The following STK32B variants were observed in gnomAD, a reference collection of about 807,000 sequenced individuals.
The protein encoded by STK32B is serine/threonine kinase 32B.
A neutral mutation model predicts 52.6 loss-of-function variants in STK32B; 43 were observed. That is an observed-to-expected ratio of 0.82 (90% CI 0.64 to 1.05). The LOEUF is 1.05. Ranked by LOEUF, STK32B falls within the 50% of genes least tolerant of loss-of-function variation. The pLI is 0.00. For synonymous variants in STK32B, 238 were observed against 204.3 expected (o/e 1.17, Z -1.41); for missense variants, 621 against 534.6 (o/e 1.16, Z -1.59).
chr4:5,169,680 G>C (rs1316095926), intron 3 of STK32B, among the ~76,000 whole-genome samples: 1 of 151,986 alleles, frequency 6.6e-6, no homozygotes, highest in Non-Finnish European at 1.5e-5. Context: ...TCTGTGCAGT[G>C]ATCTAAAAAC....
intron 1 of STK32B, among the ~76,000 whole-genome samples, chr4:5,070,736 G>A (rs890411260): frequency 2.6e-5 from 4 of 152,142 alleles, no homozygotes; most frequent in Admixed American, 1.3e-4. Context: ...GAGCAGCATC[G>A]CTCTCTTTCT....
chr4:5,119,645 T>C (rs1714918379), intron 1 of STK32B, among the ~76,000 whole-genome samples: 1 of 152,248 alleles, frequency 6.6e-6, no homozygotes, highest in Admixed American at 6.5e-5. Context: ...TTACGACTGG[T>C]GCAAAACGTT....
At chr4:5,078,278 C>T (rs1350340234) in intron 1 of STK32B, among the ~76,000 whole-genome samples, 1 of 152,062 alleles carries the variant, frequency 6.6e-6, no homozygotes, top group Non-Finnish European at 1.5e-5. Flanking sequence ...CCATATATGT[C>T]CTAGATCAAC....
intron 3 of STK32B, among the ~76,000 whole-genome samples, chr4:5,219,355 G>A (rs762435890): frequency 8.5e-5 from 13 of 152,250 alleles, no homozygotes; most frequent in African/African-American, 2.2e-4. Flanking sequence ...CCCAGCAAAC[G>A]TGGGCCTGAC....
chr4:5,418,237 CA>C (rs1712321049), intron 6 of STK32B, among the ~76,000 whole-genome samples: 2 of 152,146 alleles, frequency 1.3e-5, no homozygotes, highest in South Asian at 4.1e-4. Flanking sequence ...GTTTTTATTG[CA>C]ATGATGTTAT....
intron 9 of STK32B, among the ~76,000 whole-genome samples, chr4:5,462,288 CTGTGTG>C (rs893150057): frequency 1.3e-5 from 2 of 150,218 alleles, no homozygotes; most frequent in African/African-American, 2.5e-5. Context: ...GTGTATGTGT[CTGTGTG>C]TGTGTACCTG....
At chr4:5,137,943 A>G (rs1489057688) in intron 1 of STK32B, among the ~76,000 whole-genome samples, 1 of 152,132 alleles carries the variant, frequency 6.6e-6, no homozygotes, top group African/African-American at 2.4e-5. Flanking sequence ...CGTGATGTTC[A>G]TTGCTGATTT....
chr4:5,173,553 C>T (rs190393855), intron 3 of STK32B, among the ~76,000 whole-genome samples: 4,880 of 151,666 alleles, frequency 0.032, 145 homozygotes, highest in South Asian at 0.1. Context: ...GCCTTCATTT[C>T]GTTATGTACC....
At chr4:5,119,080 G>C (rs1399827004) in intron 1 of STK32B, among the ~76,000 whole-genome samples, 2 of 152,174 alleles carry the variant, frequency 1.3e-5, no homozygotes, top group Admixed American at 6.5e-5. Flanking sequence ...GTATGAATCT[G>C]TGTTTTCCAC....
intron 3 of STK32B, among the ~76,000 whole-genome samples, chr4:5,304,756 G>C (rs897967086): frequency 2.6e-5 from 4 of 151,788 alleles, no homozygotes; most frequent in African/African-American, 9.7e-5. Context: ...TCCTTGTCTT[G>C]TTCCAGTTAT....
At chr4:5,281,300 A>G (rs1406250693) in intron 3 of STK32B, among the ~76,000 whole-genome samples, 1 of 152,184 alleles carries the variant, frequency 6.6e-6, no homozygotes. Context: ...ACTATGGCAT[A>G]ATAATAACAT....
intron 3 of STK32B, among the ~76,000 whole-genome samples, chr4:5,282,326 TA>T (rs1372804199): frequency 6.6e-6 from 1 of 152,158 alleles, no homozygotes; most frequent in East Asian, 1.9e-4. Context: ...GTCCCTTATA[TA>T]AAATGCCACA....
the STK32B span, among the ~76,000 whole-genome samples, chr4:5,022,192 T>G: frequency 6.6e-6 from 1 of 152,250 alleles, no homozygotes; most frequent in African/African-American, 2.4e-5. Context: ...ATCTGTCTCC[T>G]TTAATGACCA....
At chr4:5,285,464 A>T (rs1418769698) in intron 3 of STK32B, among the ~76,000 whole-genome samples, 2 of 152,222 alleles carry the variant, frequency 1.3e-5, no homozygotes, top group Non-Finnish European at 2.9e-5. Flanking sequence ...GCATGAAGAT[A>T]GTGAAAGACA....
intron 1 of STK32B, among the ~76,000 whole-genome samples, chr4:5,069,024 T>C (rs977939430): frequency 2.6e-5 from 4 of 152,140 alleles, no homozygotes; most frequent in African/African-American, 9.7e-5. Flanking sequence ...AGACCTTTAG[T>C]TTGCAACTTG....
intron 5 of STK32B, among the ~76,000 whole-genome samples, chr4:5,410,759 A>G (rs1711591486): frequency 1.3e-5 from 2 of 152,314 alleles, no homozygotes; most frequent in Non-Finnish European, 2.9e-5. Flanking sequence ...TACAAACAAT[A>G]AGGAATGAAG....
At chr4:5,313,798 C>G (rs570017782) in intron 3 of STK32B, among the ~76,000 whole-genome samples, 1 of 152,056 alleles carries the variant, frequency 6.6e-6, no homozygotes, top group Non-Finnish European at 1.5e-5. Context: ...ATACTGACAA[C>G]GAACATGTGG....
At chr4:5,226,937 A>T (rs1723918020) in intron 3 of STK32B, among the ~76,000 whole-genome samples, 1 of 152,198 alleles carries the variant, frequency 6.6e-6, no homozygotes, top group African/African-American at 2.4e-5. Flanking sequence ...TTTAACCAAA[A>T]ATACTTATTT....
At chr4:5,489,954 CA>C (rs1471357712) in intron 11 of STK32B, among the ~76,000 whole-genome samples, 1 of 152,106 alleles carries the variant, frequency 6.6e-6, no homozygotes, top group African/African-American at 2.4e-5. Flanking sequence ...GACATATATA[CA>C]TACAAATGAA....
Sources: allele counts gnomAD v4.1 joint callset (sites outside exome capture counted in the v4.1 genomes callset), GRCh38; gene constraint gnomAD v4.1.1; transcripts MANE v1.5; gene names NCBI Gene and HGNC (gene_info 2026-07-23, HGNC 2026-07-21).